UBQLN1: variants seen among roughly 807,000 people sequenced by gnomAD.
UBQLN1 encodes ubiquilin 1.
UBQLN1 carries 13 observed loss-of-function variants against 65.4 expected under a neutral mutation model. The observed-to-expected ratio is 0.20, with a 90% CI of 0.13 to 0.32. The LOEUF is 0.32. Among genes scored for constraint, UBQLN1 ranks in the 10% least tolerant of loss-of-function variants. UBQLN1 has a pLI of 1.00. For missense variants in UBQLN1, 561 were observed against 724.0 expected (o/e 0.77, Z 2.58); for synonymous variants, 267 against 247.8 (o/e 1.08, Z -0.73).
intron 1 of UBQLN1, 35 bp downstream of exon 1, chr9:83,707,457 CTGCCGCCA>C: frequency 6.4e-7 from 1 of 1,567,802 alleles, no homozygotes; most frequent in East Asian, 2.3e-5. Context: ...GGCGGAGGTC[CTGCCGCCA>C]CCCCCATCCC....
At chr9:83,697,229 G>C (rs1234468822) in intron 1 of UBQLN1, among the ~76,000 whole-genome samples, 2 of 146,970 alleles carry the variant, frequency 1.4e-5, no homozygotes, top group Non-Finnish European at 3.0e-5. Flanking sequence ...ATTAATATGA[G>C]TCTCAGTATC....
Position 83,679,811 on chromosome 9 carries a change from A to C in UBQLN1, c.675T>G (p.Ile225Met). Residue 225 changes from isoleucine to methionine, a missense_variant, in exon 4 of 11, where the codon ATT (isoleucine) becomes ATG (methionine). By Grantham distance (10) the Ile-to-Met change is conservative. Around this residue, in one of 8 missense-constraint regions of UBQLN1, gnomAD observed 75 missense variants for 138.9 expected, o/e 0.54. Coordinates refer to ENST00000376395, the MANE Select transcript of UBQLN1 (RefSeq NM_013438.5). ...MQQLIQRNPEISHMLNNPDIM... is the reference protein window; with the variant it reads ...MQQLIQRNPEMSHMLNNPDIM... ...TATCTGGATTATTCAACATATGACT[A>C]ATTTCTGGATTTCTCTGTATCAACT... is the stretch of plus-strand genomic sequence containing the variant. The C allele has an allele frequency of 5.6e-6, 9 of 1,614,198 alleles. No individual in the cohort carries two copies. Among genetic ancestry groups the C allele is most frequent in the Non-Finnish European group, 7.6e-6 (9 of 1,180,022 alleles).
intron 3 of UBQLN1, among the ~76,000 whole-genome samples, chr9:83,681,362 T>C (rs1831937206): frequency 6.6e-6 from 1 of 152,176 alleles, no homozygotes. Context: ...GTATTGAGAA[T>C]AAGGCAACAA....
chr9:83,678,723 T>G (rs1831886355), intron 4 of UBQLN1, 124 bp from the exon 5 acceptor site: 1 of 1,125,096 alleles, frequency 8.9e-7, no homozygotes, highest in Non-Finnish European at 1.3e-6. Flanking sequence ...GTTTTGTTTT[T>G]TTAATTTTTT....
chr9:83,667,540 A>C, intron 7 of UBQLN1: 1 of 985,434 alleles, frequency 1.0e-6, no homozygotes, highest in Non-Finnish European at 1.2e-6. Context: ...TTTCAAAGTG[A>C]CCAGTAAGTT....
chr9:83,671,469 A>T (rs1159376535), intron 6 of UBQLN1, among the ~76,000 whole-genome samples: 29 of 152,338 alleles, frequency 1.9e-4, no homozygotes, highest in African/African-American at 6.3e-4. Flanking sequence ...ATGCAGAATG[A>T]ATGCTGTGTT....
intron 6 of UBQLN1, among the ~76,000 whole-genome samples, chr9:83,673,208 C>T (rs2542804): frequency 0.13 from 19,857 of 150,198 alleles, 1,644 homozygotes; most frequent in Middle Eastern, 0.27. Flanking sequence ...CCAGCCTGGG[C>T]GACGACTCTG....
chr9:83,680,107 T>C, intron 3 of UBQLN1, 70 bp from the exon 4 acceptor site: 2 of 1,488,488 alleles, frequency 1.3e-6, no homozygotes, highest in Non-Finnish European at 1.8e-6. Context: ...ACATAAAATA[T>C]GAAGATGCAA....
chr9:83,705,915 G>C (rs914423492), intron 1 of UBQLN1, among the ~76,000 whole-genome samples: 5 of 151,636 alleles, frequency 3.3e-5, no homozygotes, highest in African/African-American at 1.2e-4. Context: ...TCTAAAACAG[G>C]CAACTCTGTA....
chr9:83,677,060 T>C (rs1231373933), intron 6 of UBQLN1, among the ~76,000 whole-genome samples: 1 of 152,162 alleles, frequency 6.6e-6, no homozygotes, highest in Non-Finnish European at 1.5e-5. Flanking sequence ...GGGTAAGATC[T>C]GGGAATCTGA....
At chr9:83,707,356 T>C (rs1832428995) in intron 1 of UBQLN1, 144 bp downstream of exon 1, 3 of 914,666 alleles carry the variant, frequency 3.3e-6, no homozygotes, top group Non-Finnish European at 4.7e-6. Context: ...ACCCACGAAC[T>C]TGGGTGTGAT....
chr9:83,685,365 C>T (rs1832022919), intron 2 of UBQLN1, among the ~76,000 whole-genome samples: 1 of 152,114 alleles, frequency 6.6e-6, no homozygotes, highest in Non-Finnish European at 1.5e-5. Context: ...GTATGTTATG[C>T]AAGAGTGATA....
In UBQLN1 at chr9:83,671,099, G is replaced by A. The variant is rs781622319; in HGVS notation, c.1106-1772C>T. On this transcript the variant is annotated intron_variant, in intron 6 of 10. Coordinates refer to ENST00000376395, the MANE Select transcript of UBQLN1 (RefSeq NM_013438.5). ...TCCTGCCCGAACCTTCCAAAGTGCC[G>A]TGATTAAAGGTATGAGCCAACACAC... 2.8e-4 allele frequency among the ~76,000 whole-genome samples: 42 copies of A among 152,044 alleles called. 1 individual carries two copies. Among genetic ancestry groups the A allele is most frequent in the South Asian group, 8.3e-4 (4 of 4,818 alleles).
intron 1 of UBQLN1, among the ~76,000 whole-genome samples, chr9:83,696,353 T>A (rs1202506249): frequency 6.6e-6 from 1 of 152,160 alleles, no homozygotes; most frequent in African/African-American, 2.4e-5. Flanking sequence ...GACACTTAAG[T>A]TGACTAAGAA....
chr9:83,669,032 A>G lies in UBQLN1; in HGVS notation c.1248+153T>C, dbSNP rs905435349. On this transcript the variant is annotated intron_variant, in intron 7 of 10. Transcript: ENST00000376395. ...TGAAGTATTAATTTACTGCAAAGAA[A>G]CACACGGTCTAAAAAATTGGAGACA... 7.0e-6 allele frequency: 6 copies of G among 853,734 alleles called. No individual in the cohort carries two copies. The African/African-American group carries it at 1.1e-4, about 15-fold the overall frequency. 52.9% of individuals were successfully genotyped at this position (853,734 alleles called of 1,614,324 possible). A position where few individuals can be genotyped will look rare whatever the true frequency, so the allele number is the denominator to read the frequency against.
intron 1 of UBQLN1, among the ~76,000 whole-genome samples, chr9:83,694,974 A>C (rs1418898161): frequency 2.0e-5 from 3 of 152,174 alleles, no homozygotes; most frequent in Non-Finnish European, 4.4e-5. Flanking sequence ...CAAAACAATA[A>C]ATCATAAAAA....
intron 3 of UBQLN1, among the ~76,000 whole-genome samples, chr9:83,682,487 AAAC>A (rs1831958912): frequency 4.6e-5 from 3 of 65,350 alleles, no homozygotes; most frequent in Admixed American, 1.2e-4. Flanking sequence ...TCTCTTAAAA[AAAC>A]AAACAAACAA....
intron 1 of UBQLN1, among the ~76,000 whole-genome samples, chr9:83,696,754 T>A (rs1260902589): frequency 1.3e-5 from 2 of 152,084 alleles, no homozygotes; most frequent in East Asian, 1.9e-4. Flanking sequence ...CAGGACACAA[T>A]GCTAGGCAAC....
chr9:83,694,237 T>C (rs1832173094), intron 1 of UBQLN1, among the ~76,000 whole-genome samples: 1 of 152,232 alleles, frequency 6.6e-6, no homozygotes, highest in Non-Finnish European at 1.5e-5. Flanking sequence ...CAGAATCACA[T>C]ATTAACAGCA....
Sources: allele counts gnomAD v4.1 joint callset (sites outside exome capture counted in the v4.1 genomes callset), GRCh38; gene constraint gnomAD v4.1.1; regional missense constraint gnomAD v4.1.1; transcripts MANE v1.5; gene names NCBI Gene and HGNC (gene_info 2026-07-23, HGNC 2026-07-21).